The following ZC3HC1 variants were observed in gnomAD, a reference collection of about 807,000 sequenced individuals.
ZC3HC1 encodes the protein zinc finger C3HC-type protein 1.
ZC3HC1 carries 38 observed loss-of-function variants against 61.9 expected under a neutral mutation model. The ratio of observed to expected loss-of-function variants is 0.61; its 90% CI spans 0.47 to 0.81. The LOEUF is 0.81. ZC3HC1 is among the 30% of genes least tolerant of loss of function. The pLI, the probability that ZC3HC1 is intolerant of heterozygous loss-of-function variation, is 0.00. For synonymous variants in ZC3HC1, 213 were observed against 229.9 expected (o/e 0.93, Z 0.67); for missense variants, 554 against 622.7 (o/e 0.89, Z 1.17).
chr7:130,040,880 T>C lies in ZC3HC1; in HGVS notation c.409+71A>G, dbSNP rs199510074. 2,137 of 1,421,224 alleles carry C rather than the reference T, an allele frequency of 1.5e-3. 3 individuals carry two copies. Among genetic ancestry groups the C allele is most frequent in the South Asian group, 3.0e-3 (192 of 64,464 alleles). 88.0% of individuals were successfully genotyped at this position (1,421,224 alleles called of 1,614,324 possible). ...TTGATCAAACTAAAATGACCTTTTT[T>C]CCCCCCCCAGAAAACCAGGATAGTA... On this transcript the variant is annotated intron_variant, in intron 3 of 9. Transcript: ENST00000358303.
intron 2 of ZC3HC1, among the ~76,000 whole-genome samples, chr7:130,044,571 C>T (rs116158807): frequency 1.4e-3 from 218 of 152,244 alleles, no homozygotes; most frequent in African/African-American, 4.9e-3. Flanking sequence ...AATTATAACC[C>T]ATTGAATAAC....
intron 2 of ZC3HC1, among the ~76,000 whole-genome samples, chr7:130,048,741 G>A (rs1053136769): frequency 6.6e-6 from 1 of 152,034 alleles, no homozygotes; most frequent in Non-Finnish European, 1.5e-5. Context: ...ATTTTCATAG[G>A]TTTAAGGTCA....
chr7:130,040,759 T>C (rs574794531), intron 3 of ZC3HC1, among the ~76,000 whole-genome samples, 192 bp downstream of exon 3: 4 of 149,490 alleles, frequency 2.7e-5, no homozygotes, highest in South Asian at 4.2e-4. Flanking sequence ...TGAGTTGTAA[T>C]TGCACTATTA....
chr7:130,040,291 A>G (rs1003273225), intron 3 of ZC3HC1, among the ~76,000 whole-genome samples: 1 of 149,510 alleles, frequency 6.7e-6, no homozygotes, highest in Non-Finnish European at 1.5e-5. Context: ...TCAGGAGATC[A>G]AGACCATCCT....
At chr7:130,041,918 T>C (rs1329854456) in intron 2 of ZC3HC1, among the ~76,000 whole-genome samples, 1 of 152,202 alleles carries the variant, frequency 6.6e-6, no homozygotes, top group African/African-American at 2.4e-5. Flanking sequence ...AGGCCCATAC[T>C]TCACAGAATG....
At chr7:130,040,880 TC>T (rs770416054) in intron 3 of ZC3HC1, 70 bp downstream of exon 3, 192 of 1,420,450 alleles carry the variant, frequency 1.4e-4, no homozygotes, top group South Asian at 3.9e-4. Flanking sequence ...TGACCTTTTT[TC>T]CCCCCCCAGA....
chr7:130,051,085 G>A, intron 1 of ZC3HC1, 136 bp downstream of exon 1: 1 of 1,213,746 alleles, frequency 8.2e-7, no homozygotes, highest in Non-Finnish European at 1.1e-6. Flanking sequence ...AGTAACCAGA[G>A]TTTCTTTCAG....
upstream of ZC3HC1, chr7:130,051,451 C>A: frequency 6.3e-7 from 1 of 1,589,130 alleles, no homozygotes; most frequent in Non-Finnish European, 8.5e-7. Context: ...CCTCTTGAGG[C>A]AGCCTGGCTG....
intron 2 of ZC3HC1, chr7:130,043,938 A>T (rs1794774282): frequency 2.3e-6 from 1 of 434,314 alleles, no homozygotes; most frequent in Non-Finnish European, 4.6e-6. Flanking sequence ...GGAGGGAAAA[A>T]TAGGGAAAAG....
Position 130,032,719 on chromosome 7 carries a change from G to A in ZC3HC1, c.494-3690C>T, listed in dbSNP as rs986816004. Reference sequence around the variant, plus strand: ...GAAGGAAGGAAGGAAGGAAGGAAGGGAAGGAGGGAGGGAGGGAGGGACAGT... The same window carrying A: ...GAAGGAAGGAAGGAAGGAAGGAAGGAAAGGAGGGAGGGAGGGAGGGACAGT... On this transcript the variant is annotated intron_variant, in intron 4 of 9. Transcript: ENST00000358303. Among the ~76,000 whole-genome samples, 390 of 77,268 alleles carry A rather than the reference G, an allele frequency of 5.0e-3. 3 individuals carry two copies. Among genetic ancestry groups the A allele is most frequent in the African/African-American group, 0.016 (345 of 21,288 alleles). 50.7% of individuals were successfully genotyped at this position (77,268 alleles called of 152,430 possible).
intron 6 of ZC3HC1, among the ~76,000 whole-genome samples, chr7:130,025,501 T>C (rs1207704524): frequency 1.3e-5 from 2 of 151,824 alleles, no homozygotes; most frequent in South Asian, 4.2e-4. Flanking sequence ...GAACTTCCTT[T>C]CTATTTTTCC....
intron 9 of ZC3HC1, among the ~76,000 whole-genome samples, chr7:130,019,510 C>T (rs1301526875): frequency 6.6e-6 from 1 of 152,164 alleles, no homozygotes; most frequent in Non-Finnish European, 1.5e-5. Context: ...AAGCTCTGGC[C>T]TTGGTCTTCA....
intron 9 of ZC3HC1, among the ~76,000 whole-genome samples, chr7:130,019,331 G>A (rs563149640): frequency 3.3e-5 from 5 of 152,256 alleles, no homozygotes; most frequent in Admixed American, 2.6e-4. Context: ...TTACAGGCGT[G>A]AGCCACCACG....
chr7:130,043,761 T>C (rs2116762641), intron 2 of ZC3HC1: 1 of 426,312 alleles, frequency 2.3e-6, no homozygotes, highest in Non-Finnish European at 4.6e-6. Context: ...GGCATTCACT[T>C]GCGGGCAGCC....
At chr7:130,024,630 C>T (rs1793807618) in intron 6 of ZC3HC1, 124 bp from the exon 7 acceptor site, 1 of 1,088,744 alleles carries the variant, frequency 9.2e-7, no homozygotes, top group East Asian at 2.6e-5. Flanking sequence ...CCTATCAGAG[C>T]CTCTGTGCTC....
chr7:130,037,876 A>G (rs1794487047), intron 4 of ZC3HC1, among the ~76,000 whole-genome samples: 2 of 152,168 alleles, frequency 1.3e-5, no homozygotes. Flanking sequence ...ATTTTTTTAT[A>G]CTTGCTCTTA....
intron 2 of ZC3HC1, chr7:130,043,844 T>C: frequency 2.2e-6 from 1 of 455,702 alleles, no homozygotes; most frequent in Non-Finnish European, 4.4e-6. Context: ...ATGGCAGAAA[T>C]GGGAGATTAA....
chr7:130,024,706 T>A (rs2116668730), intron 6 of ZC3HC1, among the ~76,000 whole-genome samples, 200 bp from the exon 7 acceptor site: 1 of 152,138 alleles, frequency 6.6e-6, no homozygotes, highest in Non-Finnish European at 1.5e-5. Context: ...GACCTCGGGT[T>A]CTTAGTGTGC....
intron 6 of ZC3HC1, among the ~76,000 whole-genome samples, chr7:130,024,921 T>C (rs1793828238): frequency 1.1e-5 from 1 of 91,628 alleles, no homozygotes. Flanking sequence ...TTTTTTTTTT[T>C]TGAGTCAGAG....
Sources: allele counts gnomAD v4.1 joint callset (sites outside exome capture counted in the v4.1 genomes callset), GRCh38; gene constraint gnomAD v4.1.1; transcripts MANE v1.5; gene names NCBI Gene and HGNC (gene_info 2026-07-23, HGNC 2026-07-21).